Variants in TPST1 observed in about 807,000 individuals in gnomAD.
The protein encoded by TPST1 is protein-tyrosine sulfotransferase 1.
Under a neutral mutation model 34.8 loss-of-function variants are expected in TPST1, and 20 were observed. The observed-to-expected ratio is 0.57, with a 90% confidence interval of 0.40 to 0.84. The LOEUF (loss-of-function observed/expected upper bound fraction) is 0.84, where lower values mean the gene tolerates loss of function less well. TPST1 is among the 40% of genes least tolerant of loss of function. TPST1 has a pLI of 0.00. For synonymous variants in TPST1, 152 were observed against 159.4 expected (o/e 0.95, Z 0.35); for missense variants, 353 against 455.5 (o/e 0.78, Z 2.05).
At chr7:66,203,815 A>C (rs1789065806), upstream of TPST1, among the ~76,000 whole-genome samples, 1 of 152,164 alleles carries the variant, frequency 6.6e-6, no homozygotes, top group Non-Finnish European at 1.5e-5. Flanking sequence ...AAATGTTCAT[A>C]GCAGCATCAT....
intron 3 of TPST1, among the ~76,000 whole-genome samples, chr7:66,308,053 C>T (rs1343424164): frequency 6.6e-6 from 1 of 152,190 alleles, no homozygotes; most frequent in African/African-American, 2.4e-5. Flanking sequence ...GACCACAAAT[C>T]AGTGTGGATT....
chr7:66,267,950 C>G (rs935472230), intron 2 of TPST1, among the ~76,000 whole-genome samples: 1 of 151,818 alleles, frequency 6.6e-6, no homozygotes, highest in African/African-American at 2.4e-5. Flanking sequence ...TCCTTTCCTT[C>G]CTTCCTTTCG....
intron 3 of TPST1, among the ~76,000 whole-genome samples, chr7:66,303,096 A>G (rs1240690948): frequency 6.6e-6 from 1 of 152,184 alleles, no homozygotes; most frequent in Non-Finnish European, 1.5e-5. Flanking sequence ...TCCTGCTACA[A>G]TGTACCTACC....
intron 2 of TPST1, among the ~76,000 whole-genome samples, chr7:66,257,824 C>A (rs1674913192): frequency 6.6e-6 from 1 of 152,170 alleles, no homozygotes; most frequent in Non-Finnish European, 1.5e-5. Context: ...CCCTTAATTT[C>A]TTTAAAGAGC....
At chr7:66,250,810 TAAAC>T (rs951510661) in intron 2 of TPST1, among the ~76,000 whole-genome samples, 10 of 152,230 alleles carry the variant, frequency 6.6e-5, no homozygotes, top group African/African-American at 2.4e-4. Flanking sequence ...ATGATTAAGT[TAAAC>T]AAGAGTTACT....
At chr7:66,296,524 T>C (rs1584216380) in intron 3 of TPST1, among the ~76,000 whole-genome samples, 3 of 152,106 alleles carry the variant, frequency 2.0e-5, no homozygotes, top group African/African-American at 7.2e-5. Flanking sequence ...GAAAAGAGAT[T>C]GTTGACCGTT....
intron 1 of TPST1, among the ~76,000 whole-genome samples, chr7:66,237,902 C>CAGAT (rs1376233231): frequency 1.7e-4 from 26 of 152,094 alleles, no homozygotes; most frequent in Non-Finnish European, 5.9e-5. Flanking sequence ...TAACGAGATG[C>CAGAT]AGATGAACTG....
upstream of TPST1, among the ~76,000 whole-genome samples, chr7:66,202,352 C>T (rs1277560426): frequency 1.3e-5 from 2 of 152,172 alleles, no homozygotes; most frequent in African/African-American, 2.4e-5. Context: ...CTGTCCTGCT[C>T]AGTGAGACAT....
chr7:66,351,313 C>T (rs544313237), intron 3 of TPST1, among the ~76,000 whole-genome samples: 1 of 152,162 alleles, frequency 6.6e-6, no homozygotes, highest in African/African-American at 2.4e-5. Context: ...TCATTATATG[C>T]GTAGATCACG....
At chr7:66,236,782 A>G (rs1789920842) in intron 1 of TPST1, among the ~76,000 whole-genome samples, 1 of 152,208 alleles carries the variant, frequency 6.6e-6, no homozygotes, top group Non-Finnish European at 1.5e-5. Context: ...ACTTCAATAA[A>G]GCTTTTTTAA....
intron 3 of TPST1, among the ~76,000 whole-genome samples, chr7:66,339,545 A>G (rs543667698): frequency 1.1e-4 from 17 of 152,240 alleles, no homozygotes; most frequent in African/African-American, 4.1e-4. Flanking sequence ...ACCAGACAGG[A>G]TGCAACAAGA....
chr7:66,326,960 T>G (rs958861433), intron 3 of TPST1, among the ~76,000 whole-genome samples: 1 of 152,222 alleles, frequency 6.6e-6, no homozygotes, highest in South Asian at 2.1e-4. Flanking sequence ...CAAAATATTT[T>G]GAAACAAATG....
chr7:66,345,015 C>T (rs889061818), intron 3 of TPST1, among the ~76,000 whole-genome samples: 4 of 151,114 alleles, frequency 2.6e-5, no homozygotes, highest in Admixed American at 6.6e-5. Flanking sequence ...TGAGCCACCG[C>T]GCCTGGCCAA....
At chr7:66,281,800 T>G (rs1299010174) in intron 2 of TPST1, among the ~76,000 whole-genome samples, 1 of 152,228 alleles carries the variant, frequency 6.6e-6, no homozygotes, top group East Asian at 1.9e-4. Context: ...ACCTGTGGTT[T>G]GGCAGTCAGC....
intron 2 of TPST1, among the ~76,000 whole-genome samples, chr7:66,284,551 CTTTTTTT>C (rs5884585): frequency 1.3e-5 from 1 of 77,060 alleles, no homozygotes; most frequent in African/African-American, 5.4e-5. Flanking sequence ...ACTGTCTTAG[CTTTTTTT>C]TTTTTTTTTT....
At chr7:66,294,916 A>G (rs998350315) in intron 3 of TPST1, among the ~76,000 whole-genome samples, 38 of 152,222 alleles carry the variant, frequency 2.5e-4, no homozygotes, top group Middle Eastern at 3.4e-3. Flanking sequence ...CATAATTTTT[A>G]TAGTTATAAA....
chr7:66,352,866 C>T (rs368389416), intron 4 of TPST1: 9 of 985,304 alleles, frequency 9.1e-6, no homozygotes, highest in Non-Finnish European at 9.6e-6. Context: ...GCTGCTCCAG[C>T]GTTCCAGTGC....
intron 4 of TPST1, among the ~76,000 whole-genome samples, chr7:66,355,416 A>G (rs1344017962): frequency 6.6e-6 from 1 of 151,814 alleles, no homozygotes; most frequent in East Asian, 1.9e-4. Flanking sequence ...CAGAGGTTGA[A>G]GTGAGCTGAG....
chr7:66,257,409 A>G (rs150823540), intron 2 of TPST1, among the ~76,000 whole-genome samples: 49 of 152,318 alleles, frequency 3.2e-4, no homozygotes, highest in African/African-American at 1.1e-3. Flanking sequence ...TTACTAGTCC[A>G]TATCAATTCT....
Sources: gnomAD v4.1 joint callset for allele counts (sites outside exome capture counted in the v4.1 genomes callset) on GRCh38, gnomAD v4.1.1 for gene constraint, MANE v1.5 for transcripts, NCBI Gene and HGNC (gene_info 2026-07-23, HGNC 2026-07-21) for gene names.